The following HOMER2 variants were observed in gnomAD, a reference collection of about 807,000 sequenced individuals.
HOMER2 encodes homer scaffold protein 2.
In HOMER2, 27 loss-of-function variants were observed where a neutral mutation model predicts 47.0. The ratio of observed to expected loss-of-function variants is 0.57; its 90% CI spans 0.42 to 0.79. The LOEUF is 0.79. HOMER2 is among the 30% of genes least tolerant of loss of function. HOMER2 has a pLI of 0.00. For synonymous variants in HOMER2, 161 were observed against 163.8 expected (o/e 0.98, Z 0.13); for missense variants, 443 against 435.0 (o/e 1.02, Z -0.16).
intron 3 of HOMER2, among the ~76,000 whole-genome samples, chr15:82,875,021 G>A (rs1300548117): frequency 6.6e-6 from 1 of 152,138 alleles, no homozygotes; most frequent in Non-Finnish European, 1.5e-5. Context: ...AGGGGAGGAT[G>A]GACTGGCCAC....
Position 82,871,735 on chromosome 15 carries a change from G to C in HOMER2, c.294+3538C>G, listed in dbSNP as rs565936514. On this transcript the variant is annotated intron_variant, in intron 3 of 8. Transcript: ENST00000450735. ...CCTTAATGATAGGACATTTTCTTCT[G>C]TCTGGGAAAAATTAGATGTGGCCAT... Among the ~76,000 whole-genome samples the C allele has an allele frequency of 1.2e-3, 190 of 152,264 alleles. 1 individual carries two copies. Among genetic ancestry groups the C allele is most frequent in the Middle Eastern group, 3.4e-3 (1 of 294 alleles).
chr15:82,964,549 T>A lies in HOMER2; in HGVS notation n.83-5241A>T, dbSNP rs564703306. 6.8e-4 allele frequency among the ~76,000 whole-genome samples: 103 copies of A among 152,300 alleles called. 1 individual carries two copies. Among genetic ancestry groups the A allele is most frequent in the African/African-American group, 2.3e-3 (96 of 41,576 alleles). On this transcript the variant is annotated intron_variant and non_coding_transcript_variant, in intron 1 of 1. Coordinates refer to the HOMER2 transcript ENST00000500334. ...GGGAGGCCAAGGTGGGCAGATCACTTGAGGTCAGGAGTTCGAGACCAGCCT... is the reference window on the plus strand; with the variant it reads ...GGGAGGCCAAGGTGGGCAGATCACTAGAGGTCAGGAGTTCGAGACCAGCCT...
In HOMER2 at chr15:82,893,639, T is replaced by C. The variant is rs1202554043; in HGVS notation, c.6-798A>G. On this transcript the variant is annotated intron_variant, in intron 1 of 8. Transcript: ENST00000450735. ...AGCCACTGCGCCTTTTTTTTTTTTT[T>C]TTTAAGAGACAGTGTCTCACTGCTG... is the stretch of plus-strand genomic sequence containing the variant. 2.0e-5 allele frequency among the ~76,000 whole-genome samples: 3 copies of C among 151,756 alleles called. No homozygotes were observed. In the South Asian group the frequency reaches 6.3e-4, roughly 32 times the overall value.
intron 1 of HOMER2, among the ~76,000 whole-genome samples, chr15:82,903,321 A>C (rs913484964): frequency 6.6e-6 from 1 of 152,142 alleles, no homozygotes; most frequent in African/African-American, 2.4e-5. Flanking sequence ...CTCCATTTTA[A>C]CAAGTAAAAG....
At chr15:82,864,099 A>C in intron 4 of HOMER2, 68 bp downstream of exon 4, 1 of 969,748 alleles carries the variant, frequency 1.0e-6, no homozygotes, top group Non-Finnish European at 1.6e-6. Flanking sequence ...TCTGGCCAGA[A>C]GTGACAAGGA....
upstream of HOMER2, chr15:82,986,144 G>A (rs1014227712): frequency 1.4e-5 from 14 of 983,558 alleles, no homozygotes; most frequent in African/African-American, 8.7e-5. Context: ...CGATCCACAC[G>A]GAGAGCCTTA....
intron 1 of HOMER2, among the ~76,000 whole-genome samples, chr15:82,943,537 C>A (rs2054309127): frequency 6.6e-6 from 1 of 152,248 alleles, no homozygotes. Flanking sequence ...GTCACCAGCT[C>A]CCACAGGACA....
intron 1 of HOMER2, among the ~76,000 whole-genome samples, chr15:82,979,777 G>C (rs967347168): frequency 1.3e-5 from 2 of 152,174 alleles, no homozygotes; most frequent in African/African-American, 4.8e-5. Context: ...AAAATGGAAA[G>C]AGAGGTAGAT....
chr15:82,906,832 A>G (rs1392011446), intron 1 of HOMER2, among the ~76,000 whole-genome samples: 4 of 152,248 alleles, frequency 2.6e-5, no homozygotes, highest in Admixed American at 6.5e-5. Flanking sequence ...CAGCAGGAGT[A>G]GCTCTATCAC....
At chr15:82,875,071 G>A (rs547600983) in intron 3 of HOMER2, among the ~76,000 whole-genome samples, 1 of 152,278 alleles carries the variant, frequency 6.6e-6, no homozygotes, top group African/African-American at 2.4e-5. Flanking sequence ...TGTTAGATAC[G>A]AATTTCCCTT....
At chr15:82,873,181 A>C (rs11853382) in intron 3 of HOMER2, among the ~76,000 whole-genome samples, 2 of 152,094 alleles carry the variant, frequency 1.3e-5, no homozygotes, top group African/African-American at 4.8e-5. Context: ...TCCTACTGTC[A>C]ACACAGTGAC....
intron 1 of HOMER2, among the ~76,000 whole-genome samples, chr15:82,963,367 G>C (rs1787856332): frequency 6.6e-6 from 1 of 152,128 alleles, no homozygotes; most frequent in African/African-American, 2.4e-5. Flanking sequence ...TGGGATTACA[G>C]GCATGAGCCA....
At chr15:82,943,848 C>A (rs1432850869) in intron 1 of HOMER2, among the ~76,000 whole-genome samples, 1 of 152,164 alleles carries the variant, frequency 6.6e-6, no homozygotes, top group Admixed American at 6.5e-5. Flanking sequence ...TGGGACCCGC[C>A]CTCACTTCGG....
intron 5 of HOMER2, among the ~76,000 whole-genome samples, chr15:82,855,792 G>A (rs2051566073): frequency 6.6e-6 from 1 of 152,228 alleles, no homozygotes; most frequent in South Asian, 2.1e-4. Flanking sequence ...TGTTTCATCT[G>A]ATTCTACATG....
At chr15:82,937,590 C>T (rs1270314181) in intron 1 of HOMER2, among the ~76,000 whole-genome samples, 2 of 152,220 alleles carry the variant, frequency 1.3e-5, no homozygotes, top group Admixed American at 6.5e-5. Context: ...AATAAACTTA[C>T]AGATCTCATT....
At chr15:82,874,627 A>G (rs571418229) in intron 3 of HOMER2, among the ~76,000 whole-genome samples, 9 of 152,296 alleles carry the variant, frequency 5.9e-5, no homozygotes, top group Admixed American at 1.3e-4. Flanking sequence ...TCTCCCTAGA[A>G]AAAAAGTAAC....
intron 1 of HOMER2, among the ~76,000 whole-genome samples, chr15:82,972,211 A>G (rs2030016956): frequency 6.6e-6 from 1 of 152,216 alleles, no homozygotes; most frequent in East Asian, 1.9e-4. Context: ...ATCCTACCCT[A>G]ACCCAGGCAA....
Position 82,905,251 on chromosome 15 carries a change from CA to C in HOMER2, c.6-12411del, listed in dbSNP as rs1596340434. 3.9e-5 allele frequency among the ~76,000 whole-genome samples: 5 copies of C among 127,230 alleles called. No homozygotes were observed. In the East Asian group the frequency reaches 1.2e-3, roughly 31 times the overall value. The allele number at this position is 127,230 out of a possible 152,430, so 83.5% of individuals were successfully genotyped here. On this transcript the variant is annotated intron_variant, in intron 1 of 8. Transcript: ENST00000450735. Reference sequence around the variant, plus strand: ...CAGGGATTGGAAGTTCTGAAACTTTCAAAACTAAAAAGCAAAGAGAAAAGAC... The same window carrying C: ...CAGGGATTGGAAGTTCTGAAACTTTCAAACTAAAAAGCAAAGAGAAAAGAC...
At chr15:82,853,552 G>A (rs1256427) in intron 6 of HOMER2, among the ~76,000 whole-genome samples, 7 of 152,172 alleles carry the variant, frequency 4.6e-5, no homozygotes, top group African/African-American at 1.2e-4. Flanking sequence ...GGGGGTCAAG[G>A]GGGAGTGAAC....
Sources: allele counts gnomAD v4.1 joint callset (sites outside exome capture counted in the v4.1 genomes callset), GRCh38; gene constraint gnomAD v4.1.1; transcripts MANE v1.5; gene names NCBI Gene and HGNC (gene_info 2026-07-23, HGNC 2026-07-21).